The following SMG1 variants were observed in gnomAD, a reference collection of about 807,000 sequenced individuals.
SMG1 encodes serine/threonine-protein kinase SMG1.
Under a neutral mutation model 419.9 loss-of-function variants are expected in SMG1, and 22 were observed. The observed-to-expected ratio is 0.05, with a 90% CI of 0.04 to 0.07. The LOEUF (loss-of-function observed/expected upper bound fraction) is 0.07, where lower values mean the gene tolerates loss of function less well. SMG1 is among the 10% of genes least tolerant of loss of function. SMG1 has a pLI of 1.00. For synonymous variants in SMG1, 1,538 were observed against 1,553.5 expected (o/e 0.99, Z 0.23); for missense variants, 3,185 against 4,342.0 (o/e 0.73, Z 7.49).
At chr16:18,814,115 G>A (rs1300904761) in intron 60 of SMG1, among the ~76,000 whole-genome samples, 1 of 146,648 alleles carries the variant, frequency 6.8e-6, no homozygotes, top group Non-Finnish European at 1.5e-5. Context: ...AAAATAAATT[G>A]GCCATTAAGT....
intron 60 of SMG1, among the ~76,000 whole-genome samples, chr16:18,813,329 C>G (rs2031656566): frequency 6.6e-6 from 1 of 152,120 alleles, no homozygotes; most frequent in Admixed American, 6.6e-5. Flanking sequence ...TCTCCAGCAC[C>G]TGTTGTTTCC....
chr16:18,819,611 T>C lies in SMG1; in HGVS notation c.9785A>G (p.Lys3262Arg). The part of the protein sequence containing the change: ...ALESSIEQRL[K>R]WAGGANPALA... ...TGCAGGGTTGGCACCACCTGCCCAC[T>C]TGAGTCGCTGTTCAATACTTGATTC... The change falls in exon 56 of 63, where the codon AAG becomes AGG. Residue 3262 changes from lysine (K) to arginine (R), a missense_variant. By Grantham distance (26) the Lys-to-Arg change is conservative. Coordinates refer to ENST00000446231, the MANE Select transcript of SMG1 (RefSeq NM_015092.5). 2.5e-6 allele frequency: 4 copies of C among 1,592,014 alleles called. No homozygotes were observed. The highest frequency in any genetic ancestry group is 3.4e-6 in the Non-Finnish European group (4 of 1,168,484).
intron 1 of SMG1, among the ~76,000 whole-genome samples, chr16:18,919,650 G>GGA (rs2038111535): frequency 1.2e-5 from 1 of 82,004 alleles, no homozygotes; most frequent in African/African-American, 5.1e-5. Context: ...GTGTGTGTGT[G>GGA]TATATATACA....
Position 18,807,454 on chromosome 16 carries a change from A to G in SMG1, c.*2115T>C, listed in dbSNP as rs941282574. The stretch of plus-strand genomic sequence containing the variant: ...AAAATAAGGTTCCAAATGAATGAAG[A>G]AAACAAAATTTGATGCGCTAGGTTC... On this transcript the variant is annotated 3_prime_UTR_variant, in exon 63 of 63. Transcript: ENST00000446231. The G allele has an allele frequency of 2.6e-5, 4 of 152,178 alleles. No homozygotes were observed. Among genetic ancestry groups the G allele is most frequent in the African/African-American group, 9.7e-5 (4 of 41,436 alleles). The allele number at this position is 152,178 out of a possible 1,614,324, so 9.4% of individuals were successfully genotyped here.
chr16:18,850,282 G>C lies in SMG1; in HGVS notation c.5238C>G (p.Leu1746=). ...VVDRIFSLYK[L]SCSAYFTFLK... ...GGAAAGTAAAGTATGCACTGCAAGA[G>C]AGTTTGTACAGGCTGAATATTCTAT... is the stretch of plus-strand genomic sequence containing the variant. The change falls in exon 34 of 63, where the codon CTC becomes CTG. Residue 1746 remains leucine, a synonymous_variant. Transcript: ENST00000446231. 6.2e-7 allele frequency: 1 copy of C among 1,613,350 alleles called. No individual in the cohort carries two copies. The highest frequency in any genetic ancestry group is 1.3e-5 in the African/African-American group (1 of 75,062).
rs200750577 is a variant in SMG1, at chr16:18,809,596, C to G, written c.10959G>C (p.Leu3653=). The G allele has an allele frequency of 1.7e-4, 281 of 1,611,706 alleles. No homozygotes were observed. Among genetic ancestry groups the G allele is most frequent in the Admixed American group, 6.4e-4 (38 of 59,720 alleles). The part of the protein sequence containing the change: ...EATNLDNLAQ[L]YEGWTAWV ...ACACCCAGGCTGTCCAACCTTCATACAGCTGAGCCAAGTTATCTAGATTAG... is the reference window on the plus strand; with the variant it reads ...ACACCCAGGCTGTCCAACCTTCATAGAGCTGAGCCAAGTTATCTAGATTAG... Residue 3653 remains leucine, a synonymous_variant, in exon 63 of 63, where the codon CTG becomes CTC. Coordinates refer to ENST00000446231, the MANE Select transcript of SMG1 (RefSeq NM_015092.5).
At chr16:18,821,102 T>C (rs1397575965) in intron 55 of SMG1, among the ~76,000 whole-genome samples, 1 of 152,154 alleles carries the variant, frequency 6.6e-6, no homozygotes, top group Non-Finnish European at 1.5e-5. Context: ...GAACTACTTA[T>C]ATACATTTCA....
intron 36 of SMG1, among the ~76,000 whole-genome samples, chr16:18,848,676 G>A (rs888076220): frequency 5.3e-5 from 8 of 152,022 alleles, no homozygotes; most frequent in East Asian, 3.9e-4. Context: ...ATTTCTCCAC[G>A]TCTTGGTGGA....
chr16:18,841,812 A>C lies in SMG1; in HGVS notation c.6467-18T>G. 6.2e-7 allele frequency: 1 copy of C among 1,601,424 alleles called. No individual in the cohort carries two copies. The highest frequency in any genetic ancestry group is 8.6e-7 in the Non-Finnish European group (1 of 1,168,576). Reference sequence around the variant, plus strand: ...CTCCAGTCCTATGAAAACAAAATTAAAATAGCTAGGATAGGTGATTAAACA... The same window carrying C: ...CTCCAGTCCTATGAAAACAAAATTACAATAGCTAGGATAGGTGATTAAACA... On this transcript the variant is annotated intron_variant, in intron 40 of 62. Transcript: ENST00000446231.
At chr16:18,833,760 C>A (rs2033367648) in intron 50 of SMG1, among the ~76,000 whole-genome samples, 1 of 152,216 alleles carries the variant, frequency 6.6e-6, no homozygotes, top group African/African-American at 2.4e-5. Flanking sequence ...TCCATACCAC[C>A]TCCTCCATCT....
intron 9 of SMG1, 52 bp from the exon 10 acceptor site, chr16:18,882,390 A>T (rs1385314500): frequency 8.9e-6 from 9 of 1,006,572 alleles, no homozygotes; most frequent in African/African-American, 1.7e-5. Flanking sequence ...TTTTAAATAA[A>T]AAAAAAAAAA....
chr16:18,827,125 G>T (rs1009113264), intron 55 of SMG1, among the ~76,000 whole-genome samples: 1 of 151,914 alleles, frequency 6.6e-6, no homozygotes, highest in African/African-American at 2.4e-5. Context: ...TACCTTGGAG[G>T]GTAAGAAATA....
At chr16:18,919,769 C>A (rs1485973769) in intron 1 of SMG1, among the ~76,000 whole-genome samples, 4 of 150,936 alleles carry the variant, frequency 2.7e-5, no homozygotes, top group Admixed American at 2.6e-4. Flanking sequence ...AACAAACAAA[C>A]CTTCCATTAT....
intron 1 of SMG1, among the ~76,000 whole-genome samples, chr16:18,913,597 G>A (rs897538571): frequency 1.3e-5 from 2 of 151,694 alleles, no homozygotes; most frequent in Non-Finnish European, 2.9e-5. Context: ...CTTTTTTCTA[G>A]GCTATTAATA....
intron 22 of SMG1, among the ~76,000 whole-genome samples, chr16:18,867,253 G>A (rs1477759984): frequency 6.6e-6 from 1 of 152,062 alleles, no homozygotes; most frequent in Non-Finnish European, 1.5e-5. Context: ...ATTTCTCCTG[G>A]CCAAGTGCAG....
chr16:18,873,314 G>T (rs1162506614), intron 13 of SMG1, among the ~76,000 whole-genome samples: 1 of 152,074 alleles, frequency 6.6e-6, no homozygotes, highest in African/African-American at 2.4e-5. Context: ...CACCTCCGGG[G>T]TTCAAGCAAT....
rs1261834932 is a variant in SMG1, at chr16:18,859,672, A to C, written c.3837T>G (p.Ser1279Arg). 7 of 1,611,054 alleles carry C rather than the reference A, an allele frequency of 4.3e-6. No individual in the cohort carries two copies. In the Admixed American group the frequency reaches 1.2e-4, roughly 27 times the overall value. The change falls in exon 27 of 63, where the codon AGT becomes AGG. Residue 1279 changes from serine to arginine, a missense_variant. Physicochemically the swap from Ser to Arg is moderately radical, Grantham distance 110. Transcript: ENST00000446231. ...ATTTCTGAAGTTCCCTCGGATCCGG[A>C]CTTAACATGTTAGGAAGCAGTTTTT... ...DMKKLLPNML[S>R]PDPRELQKSI...
At position 18,807,853 on chromosome 16, in the gene SMG1, G is replaced by A. The variant is rs1454289168; in HGVS notation, c.*1716C>T. On this transcript the variant is annotated 3_prime_UTR_variant, in exon 63 of 63. Transcript: ENST00000446231. ...CGGCTCACTGCAAGCTCCGCCTCCT[G>A]GGTTCACGCCATTCTCCTGCCTCAG... 2 of 152,112 alleles carry A rather than the reference G, an allele frequency of 1.3e-5. No homozygotes were observed. Among genetic ancestry groups the A allele is most frequent in the African/African-American group, 4.8e-5 (2 of 41,390 alleles). The allele number at this position is 152,112 out of a possible 1,614,324, so 9.4% of individuals were successfully genotyped here.
At position 18,807,990 on chromosome 16, in the gene SMG1, TAACC is replaced by T. The variant is rs2031008033; in HGVS notation, c.*1575_*1578del. ...GTTAGCCAGGATGGTCTCGCTCTCCTAACCTCATGATCCGCCCGCCTCGGCCTCC... is the reference window on the plus strand; with the variant it reads ...GTTAGCCAGGATGGTCTCGCTCTCCTTCATGATCCGCCCGCCTCGGCCTCC... On this transcript the variant is annotated 3_prime_UTR_variant, in exon 63 of 63. Transcript: ENST00000446231. 6.6e-6 allele frequency: 1 copy of T among 152,274 alleles called. No homozygotes were observed. The highest frequency in any genetic ancestry group is 2.1e-4 in the South Asian group (1 of 4,830). The allele number at this position is 152,274 out of a possible 1,614,324, so 9.4% of individuals were successfully genotyped here. A position where few individuals can be genotyped will look rare whatever the true frequency, so the allele number is the denominator to read the frequency against.
Sources: gnomAD v4.1 joint callset for allele counts (sites outside exome capture counted in the v4.1 genomes callset) on GRCh38, gnomAD v4.1.1 for gene constraint, MANE v1.5 for transcripts, NCBI Gene and HGNC (gene_info 2026-07-23, HGNC 2026-07-21) for gene names.